Variants in EIF4G3 observed in about 807,000 individuals in gnomAD.
The protein encoded by EIF4G3 is eIF-4-gamma 3.
A neutral mutation model predicts 186.4 loss-of-function variants in EIF4G3; 34 were observed. The observed-to-expected ratio is 0.18, with a 90% CI of 0.14 to 0.24. The LOEUF (loss-of-function observed/expected upper bound fraction) is 0.24. EIF4G3 is among the 10% of genes least tolerant of loss of function. The pLI is 1.00. For synonymous variants in EIF4G3, 673 were observed against 679.5 expected (o/e 0.99, Z 0.15); for missense variants, 1,536 against 1,948.5 (o/e 0.79, Z 3.99).
intron 10 of EIF4G3, among the ~76,000 whole-genome samples, chr1:20,974,872 A>G (rs2076541001): frequency 1.3e-5 from 2 of 152,148 alleles, no homozygotes; most frequent in South Asian, 4.1e-4. Flanking sequence ...TAATTGATTC[A>G]CCGTAACAAG....
intron 19 of EIF4G3, among the ~76,000 whole-genome samples, chr1:20,885,544 A>C (rs1450985495): frequency 6.6e-6 from 1 of 152,196 alleles, no homozygotes; most frequent in Non-Finnish European, 1.5e-5. Flanking sequence ...CTCTGGTACA[A>C]GTGTGAATTT....
chr1:20,831,674 T>C (rs2065249659), intron 30 of EIF4G3, among the ~76,000 whole-genome samples: 1 of 151,804 alleles, frequency 6.6e-6, no homozygotes, highest in Admixed American at 6.6e-5. Flanking sequence ...TAGTTACATA[T>C]GTATACATGA....
chr1:21,150,892 C>T (rs1449080883), intron 2 of EIF4G3, among the ~76,000 whole-genome samples: 1 of 152,190 alleles, frequency 6.6e-6, no homozygotes, highest in Non-Finnish European at 1.5e-5. Context: ...AGAAGAATCG[C>T]TTAAACTCAG....
chr1:20,894,926 T>C (rs1340219027), intron 17 of EIF4G3, among the ~76,000 whole-genome samples: 3 of 152,208 alleles, frequency 2.0e-5, no homozygotes, highest in African/African-American at 4.8e-5. Flanking sequence ...TTGAGATACA[T>C]ATTATTTGAA....
intron 4 of EIF4G3, among the ~76,000 whole-genome samples, chr1:21,038,676 C>T (rs928643009): frequency 6.6e-6 from 1 of 152,182 alleles, no homozygotes; most frequent in Admixed American, 6.5e-5. Flanking sequence ...CTCTCTGTTT[C>T]TCTTAGAACT....
chr1:20,950,157 T>A, intron 12 of EIF4G3, 46 bp from the exon 13 acceptor site: 1 of 1,418,194 alleles, frequency 7.1e-7, no homozygotes, highest in Non-Finnish European at 9.5e-7. Flanking sequence ...CGTGCGAACA[T>A]AAAAACTAGC....
chr1:21,047,943 G>A (rs530118358), intron 4 of EIF4G3, among the ~76,000 whole-genome samples: 16 of 152,062 alleles, frequency 1.1e-4, no homozygotes, highest in Non-Finnish European at 2.2e-4. Flanking sequence ...AAGGATGGAG[G>A]GGAAAAAAGG....
At chr1:21,023,468 C>T (rs761199993) in intron 4 of EIF4G3, among the ~76,000 whole-genome samples, 11 of 152,020 alleles carry the variant, frequency 7.2e-5, no homozygotes, top group Non-Finnish European at 1.0e-4. Flanking sequence ...CTGTGTTGGC[C>T]GGGCCAGTCT....
At chr1:20,973,412 A>T (rs1217156745) in intron 10 of EIF4G3, among the ~76,000 whole-genome samples, 1 of 152,228 alleles carries the variant, frequency 6.6e-6, no homozygotes, top group East Asian at 1.9e-4. Context: ...CTTTTAAAAA[A>T]TATTATTCTG....
At chr1:20,956,335 C>T (rs1322689546) in intron 12 of EIF4G3, among the ~76,000 whole-genome samples, 3 of 152,014 alleles carry the variant, frequency 2.0e-5, no homozygotes, top group African/African-American at 4.8e-5. Flanking sequence ...TGTGGGGAAA[C>T]GGTGTGATAT....
chr1:20,884,795 T>C (rs2083563514), intron 19 of EIF4G3, among the ~76,000 whole-genome samples: 1 of 152,204 alleles, frequency 6.6e-6, no homozygotes. Flanking sequence ...TTAACTACTC[T>C]GTGGGTTCGC....
At chr1:20,879,994 G>A (rs1372966319) in intron 19 of EIF4G3, among the ~76,000 whole-genome samples, 1 of 151,242 alleles carries the variant, frequency 6.6e-6, no homozygotes, top group African/African-American at 2.4e-5. Context: ...CTAGGCAGGA[G>A]TCTTTTAAAA....
rs774955989 is a variant in EIF4G3, at chr1:20,942,159, C to A, written c.995G>T (p.Arg332Leu). ...AGAGGTGGGGGCTGCAATTGTACTT[C>A]GAGCAACAGAAGAAACAGTGGTAGG... ...PSPTTVSSVARSTIAAPTSSA... is the reference protein window; with the variant it reads ...PSPTTVSSVALSTIAAPTSSA... The change falls in exon 14 of 37, where the codon CGA (arginine) becomes CTA (leucine). Residue 332 changes from arginine to leucine, a missense_variant. This residue lies in a region of EIF4G3 where 560 missense variants were observed against 547.8 expected (regional missense o/e 1.02). Transcript: ENST00000602326. 3.1e-6 allele frequency: 5 copies of A among 1,614,004 alleles called. No homozygotes were observed. The highest frequency in any genetic ancestry group is 4.2e-6 in the Non-Finnish European group (5 of 1,179,958).
intron 4 of EIF4G3, among the ~76,000 whole-genome samples, chr1:21,040,928 A>T (rs1365225357): frequency 2.0e-5 from 3 of 151,946 alleles, no homozygotes. Flanking sequence ...TAACCAATTC[A>T]GGTGTTTCTG....
intron 33 of EIF4G3, among the ~76,000 whole-genome samples, chr1:20,818,906 A>T (rs905548532): frequency 6.6e-6 from 1 of 152,132 alleles, no homozygotes; most frequent in East Asian, 1.9e-4. Context: ...CTTACGTAGC[A>T]TCTCTAAATT....
chr1:21,083,330 A>G (rs113257622), intron 3 of EIF4G3, among the ~76,000 whole-genome samples: 4 of 152,140 alleles, frequency 2.6e-5, no homozygotes, highest in Non-Finnish European at 5.9e-5. Context: ...GGCATAAAAC[A>G]TAATATATAC....
At chr1:21,158,001 C>T (rs893782648) in intron 2 of EIF4G3, among the ~76,000 whole-genome samples, 3 of 151,924 alleles carry the variant, frequency 2.0e-5, no homozygotes, top group African/African-American at 7.3e-5. Context: ...AGTAAGTTTC[C>T]GAAGGCTATT....
At chr1:20,909,115 G>A (rs1054496971) in intron 14 of EIF4G3, among the ~76,000 whole-genome samples, 3 of 151,452 alleles carry the variant, frequency 2.0e-5, no homozygotes, top group African/African-American at 4.9e-5. Context: ...TCACGCCACT[G>A]CACTCCAGCC....
intron 2 of EIF4G3, among the ~76,000 whole-genome samples, chr1:21,092,017 C>A (rs1041934777): frequency 5.9e-5 from 9 of 152,178 alleles, no homozygotes; most frequent in Non-Finnish European, 1.2e-4. Context: ...TGGCCAACTT[C>A]CAACACTATG....
Sources: gnomAD v4.1 joint callset for allele counts (sites outside exome capture counted in the v4.1 genomes callset) on GRCh38, gnomAD v4.1.1 for gene constraint, gnomAD v4.1.1 regional missense constraint, MANE v1.5 for transcripts, NCBI Gene and HGNC (gene_info 2026-07-23, HGNC 2026-07-21) for gene names.